The following A2ML1 variants were observed in gnomAD, a reference collection of about 807,000 sequenced individuals.
A2ML1 encodes the protein alpha-2-macroglobulin-like protein 1.
A2ML1 carries 161 observed loss-of-function variants against 181.9 expected under a neutral mutation model. The observed-to-expected ratio is 0.89, with a 90% CI of 0.78 to 1.01. A2ML1 has a LOEUF of 1.01. Among genes scored for constraint, A2ML1 ranks in the 50% least tolerant of loss-of-function variants. The probability of loss-of-function intolerance (pLI) is 0.00; values close to 1 mark genes in which losing one functional copy is unlikely to be tolerated. For missense variants in A2ML1, 1,670 were observed against 1,768.1 expected, an observed-to-expected ratio of 0.94 and a Z score of 1.00; for synonymous variants, 663 against 666.8, an observed-to-expected ratio of 0.99 and a Z score of 0.09.
At position 8,846,127 on chromosome 12, in the gene A2ML1, C is replaced by T; in HGVS notation, c.1588C>T (p.Pro530Ser). Reference sequence around the variant, plus strand: ...ACTGACCTTCACTTCGAGACTGGCCCCTGATCCTTCCCTGGTGATCTATGC... The same window carrying T: ...ACTGACCTTCACTTCGAGACTGGCCTCTGATCCTTCCCTGGTGATCTATGC... ...LSLTFTSRLAPDPSLVIYAIF... is the reference protein window; with the variant it reads ...LSLTFTSRLASDPSLVIYAIF... Residue 530 changes from proline (P) to serine (S), a missense_variant, in exon 14 of 36, where the codon CCT becomes TCT. Physicochemically the swap from Pro to Ser is moderately conservative, Grantham distance 74. Transcript: ENST00000299698. 1 of 1,614,172 alleles carries T rather than the reference C, an allele frequency of 6.2e-7. No individual in the cohort carries two copies. Among genetic ancestry groups the T allele is most frequent in the Non-Finnish European group, 8.5e-7 (1 of 1,180,034 alleles).
At chr12:8,853,741 A>G (rs1248318445) in intron 20 of A2ML1, among the ~76,000 whole-genome samples, 1 of 152,220 alleles carries the variant, frequency 6.6e-6, no homozygotes, top group Non-Finnish European at 1.5e-5. Context: ...TCCCCAGAGC[A>G]AGCAGTTTGA....
rs1944037906 is a variant in A2ML1 at position 8,855,602 on chromosome 12, T to TA, written c.2848+11dup. ...TATGTTACGGTTCTGGGTAAGCAGT[T>TA]AGAGATTCTTGACTCAGAAAGGAAA... is the stretch of plus-strand genomic sequence containing the variant. On this transcript the variant is annotated intron_variant, in intron 23 of 35. Coordinates refer to ENST00000299698, the MANE Select transcript of A2ML1 (RefSeq NM_144670.6). 3 of 1,613,942 alleles carry TA rather than the reference T, an allele frequency of 1.9e-6. No individual in the cohort carries two copies. The highest frequency in any genetic ancestry group is 1.7e-5 in the Admixed American group (1 of 60,002).
intron 3 of A2ML1, among the ~76,000 whole-genome samples, chr12:8,824,418 C>T (rs1407269337): frequency 6.6e-6 from 1 of 151,602 alleles, no homozygotes; most frequent in Non-Finnish European, 1.5e-5. Flanking sequence ...TTTATACACA[C>T]ACACAATGTG....
intron 4 of A2ML1, among the ~76,000 whole-genome samples, chr12:8,831,670 G>A (rs1209813333): frequency 1.3e-5 from 2 of 152,196 alleles, no homozygotes; most frequent in African/African-American, 4.8e-5. Flanking sequence ...ACCCAGAGCC[G>A]GCTGTGTGGG....
rs1565468889 is a variant in A2ML1 at position 8,838,365 on chromosome 12, T to C, written c.885T>C (p.Pro295=). ...ACAAAACAGGATGTTTCTCAGCACC[T>C]GTGGACATGGCCACCTTTGACCTCA... ...QTDKTGCFSA[P]VDMATFDLIG... is the part of the protein sequence containing the mutation. The change falls in exon 9 of 36, where the codon CCT becomes CCC. Residue 295 remains proline, a synonymous_variant. Coordinates refer to ENST00000299698, the MANE Select transcript of A2ML1 (RefSeq NM_144670.6). 1.2e-6 allele frequency: 2 copies of C among 1,613,720 alleles called. No individual in the cohort carries two copies. The highest frequency in any genetic ancestry group is 1.7e-6 in the Non-Finnish European group (2 of 1,179,756).
chr12:8,849,113 T>C (rs1218237399), intron 16 of A2ML1, among the ~76,000 whole-genome samples, 199 bp downstream of exon 16: 1 of 152,196 alleles, frequency 6.6e-6, no homozygotes, highest in Non-Finnish European at 1.5e-5. Context: ...TTCCTCTTTT[T>C]GTTGTCCTCA....
intron 4 of A2ML1, chr12:8,830,577 C>T (rs1476870263): frequency 6.6e-6 from 1 of 152,034 alleles, no homozygotes; most frequent in Non-Finnish European, 1.5e-5. Context: ...CCTTGGACTC[C>T]CCATCCCTAG....
chr12:8,850,941 G>A (rs909167144), intron 18 of A2ML1, among the ~76,000 whole-genome samples: 4 of 152,080 alleles, frequency 2.6e-5, no homozygotes, highest in Non-Finnish European at 4.4e-5. Flanking sequence ...GTTTTGCTAT[G>A]TTGGCCAGGC....
chr12:8,828,482 ACT>A (rs1943002980), intron 3 of A2ML1, among the ~76,000 whole-genome samples: 1 of 151,398 alleles, frequency 6.6e-6, no homozygotes, highest in African/African-American at 2.4e-5. Flanking sequence ...CTGGCCTGGG[ACT>A]CTCTTTTCAG....
At position 8,846,127 on chromosome 12, in the gene A2ML1, C is replaced by A; in HGVS notation, c.1588C>A (p.Pro530Thr). ...ACTGACCTTCACTTCGAGACTGGCC[C>A]CTGATCCTTCCCTGGTGATCTATGC... ...LSLTFTSRLAPDPSLVIYAIF... is the reference protein window; with the variant it reads ...LSLTFTSRLATDPSLVIYAIF... The change falls in exon 14 of 36, where the codon CCT (proline) becomes ACT (threonine). Residue 530 changes from proline (P) to threonine (T), a missense_variant. Coordinates refer to ENST00000299698, the MANE Select transcript of A2ML1 (RefSeq NM_144670.6). 2 of 1,614,172 alleles carry A rather than the reference C, an allele frequency of 1.2e-6. No individual in the cohort carries two copies. Among genetic ancestry groups the A allele is most frequent in the Non-Finnish European group, 1.7e-6 (2 of 1,180,034 alleles).
chr12:8,875,364 C>T (rs1165412804), intron 35 of A2ML1: 3 of 195,806 alleles, frequency 1.5e-5, no homozygotes, highest in African/African-American at 7.0e-5. Context: ...AAGCATGAGC[C>T]ACCACACTCA....
In A2ML1 at chr12:8,823,359, C is replaced by A. The variant is rs79315547; in HGVS notation, c.240C>A (p.Ser80=). 2 of 1,613,440 alleles carry A rather than the reference C, an allele frequency of 1.2e-6. No individual in the cohort carries two copies. The highest frequency in any genetic ancestry group is 4.5e-5 in the East Asian group (2 of 44,880). Residue 80 remains serine (S), a synonymous_variant, in exon 2 of 36, where the codon TCC becomes TCA. Transcript: ENST00000299698. ...GLKKRHLHCI[S]FLVPPPAGGT... The stretch of plus-strand genomic sequence containing the variant: ...AGAAGAGGCACTTACATTGTATCTC[C>A]TTTCTTGTAAGCACAGACTCAGCCC...
intron 28 of A2ML1, among the ~76,000 whole-genome samples, chr12:8,861,960 C>T (rs1320528979): frequency 1.3e-5 from 2 of 151,762 alleles, no homozygotes; most frequent in Non-Finnish European, 2.9e-5. Flanking sequence ...GGGTTTCGCC[C>T]TGTTGACCAG....
intron 3 of A2ML1, among the ~76,000 whole-genome samples, chr12:8,826,170 T>C (rs1942922736): frequency 6.6e-6 from 1 of 152,218 alleles, no homozygotes; most frequent in Admixed American, 6.5e-5. Context: ...AGTATTCTGA[T>C]AGGGATTGCA....
chr12:8,868,774 A>G, intron 32 of A2ML1, 147 bp downstream of exon 32: 1 of 646,110 alleles, frequency 1.5e-6, no homozygotes, highest in Middle Eastern at 4.2e-4. Context: ...ATGTATATGT[A>G]TGTACACTTG....
chr12:8,868,073 T>G lies in A2ML1; in HGVS notation c.3933+16T>G, dbSNP rs369629857. On this transcript the variant is annotated intron_variant, in intron 30 of 35. Coordinates refer to ENST00000299698, the MANE Select transcript of A2ML1 (RefSeq NM_144670.6). Reference sequence around the variant, plus strand: ...CTATGTGCAGGTAAGTAGAGATCCATGAGAATGAGCGGACATTGGGAAGGA... The same window carrying G: ...CTATGTGCAGGTAAGTAGAGATCCAGGAGAATGAGCGGACATTGGGAAGGA... 5.6e-6 allele frequency: 9 copies of G among 1,612,632 alleles called. No individual in the cohort carries two copies. The highest frequency in any genetic ancestry group is 1.7e-4 in the Middle Eastern group (1 of 6,048).
At chr12:8,884,602 T>C (rs1350765346) in intron 7 of A2ML1, among the ~76,000 whole-genome samples, 1 of 152,232 alleles carries the variant, frequency 6.6e-6, no homozygotes, top group African/African-American at 2.4e-5. Flanking sequence ...AGTAGCGCGA[T>C]CTTGGCTCAC....
At chr12:8,881,668 T>C (rs767693517), downstream of A2ML1, among the ~76,000 whole-genome samples, 3 of 152,340 alleles carry the variant, frequency 2.0e-5, no homozygotes, top group African/African-American at 7.2e-5. Flanking sequence ...GTGCCATCCA[T>C]GCAGGTACAG....
At position 8,827,453 on chromosome 12, in the gene A2ML1, CT is replaced by C. The variant is rs376760320; in HGVS notation, c.410-2265del. 1.0e-2 allele frequency among the ~76,000 whole-genome samples: 1,517 copies of C among 151,836 alleles called. 15 individuals carry two copies. The highest frequency in any genetic ancestry group is 0.027 in the African/African-American group (1,108 of 41,432). On this transcript the variant is annotated intron_variant, in intron 3 of 35. Transcript: ENST00000299698. ...AACCTCCTCTTTAAAGTCAATACCTCTTTTTTTTTCTCTTTGTTAAATTTAT... is the reference window on the plus strand; with the variant it reads ...AACCTCCTCTTTAAAGTCAATACCTCTTTTTTTTCTCTTTGTTAAATTTAT...
Sources: allele counts gnomAD v4.1 joint callset (sites outside exome capture counted in the v4.1 genomes callset), GRCh38; gene constraint gnomAD v4.1.1; transcripts MANE v1.5; gene names NCBI Gene and HGNC (gene_info 2026-07-23, HGNC 2026-07-21).